WDR33: variants seen among roughly 807,000 people sequenced by gnomAD.
WDR33 encodes the protein pre-mRNA 3' end processing protein WDR33.
In WDR33, 47 loss-of-function variants were observed where a neutral mutation model predicts 164.9. The ratio of observed to expected loss-of-function variants is 0.29; its 90% CI spans 0.23 to 0.36. The LOEUF is 0.36. Ranked by LOEUF, WDR33 falls within the 10% of genes least tolerant of loss-of-function variation. The pLI is 1.00. For missense variants in WDR33, 1,137 were observed against 1,754.1 expected, an observed-to-expected ratio of 0.65 and a Z score of 6.28; for synonymous variants, 505 against 589.0, an observed-to-expected ratio of 0.86 and a Z score of 2.06.
At chr2:127,788,249 ACC>A (rs573765607) in intron 1 of WDR33, among the ~76,000 whole-genome samples, 3 of 52,480 alleles carry the variant, frequency 5.7e-5, no homozygotes, top group African/African-American at 2.6e-4. Flanking sequence ...CAGGGGGCTG[ACC>A]CCCCCCACCT....
chr2:127,744,878 C>A, intron 7 of WDR33, among the ~76,000 whole-genome samples: 1 of 152,154 alleles, frequency 6.6e-6, no homozygotes, highest in East Asian at 1.9e-4. Flanking sequence ...GTCTCCAATT[C>A]TTACTTCCAT....
rs1304597716 is a variant in WDR33, at chr2:127,709,838, C to T, written c.3327G>A (p.Pro1109=). 20 of 1,614,062 alleles carry T rather than the reference C, an allele frequency of 1.2e-5. No individual in the cohort carries two copies. The highest frequency in any genetic ancestry group is 2.2e-5 in the East Asian group (1 of 44,878). The change falls in exon 19 of 22, where the codon CCG becomes CCA. Residue 1109 remains proline (P), a synonymous_variant. Transcript: ENST00000322313. This position sits in a 1 kb window ranked among gnomAD's most constrained non-coding sequence, Gnocchi z 5.0. Reference sequence around the variant, plus strand: ...GGGGAGCACGGCCCTCATGCCTCGGCGGGGCTCCTCTTCTGAAACTGTAAA... The same window carrying T: ...GGGGAGCACGGCCCTCATGCCTCGGTGGGGCTCCTCTTCTGAAACTGTAAA... ...RREESFRRGA[P]PRHEGRAPPR... is the part of the protein sequence containing the mutation.
intron 1 of WDR33, among the ~76,000 whole-genome samples, chr2:127,780,210 T>C (rs575204699): frequency 6.6e-5 from 10 of 152,256 alleles, no homozygotes; most frequent in Non-Finnish European, 1.5e-4. Flanking sequence ...CCTGACCTCG[T>C]GATCCGCCCA....
chr2:127,799,109 A>T lies in WDR33; in HGVS notation c.-24+11903T>A, dbSNP rs1689147559. 3 of 152,314 alleles carry T rather than the reference A, an allele frequency of 2.0e-5. No individual in the cohort carries two copies. The South Asian group carries it at 6.2e-4, about 32-fold the overall frequency. 9.4% of individuals were successfully genotyped at this position (152,314 alleles called of 1,614,324 possible). ...CCAATGGAGGAGAATCTACATTCTC[A>T]AATGAGAAAAATCAGTTGCTTAACC... On this transcript the variant is annotated intron_variant, in intron 1 of 21. Transcript: ENST00000322313.
intron 1 of WDR33, among the ~76,000 whole-genome samples, chr2:127,782,546 C>T (rs1688411713): frequency 6.6e-6 from 1 of 152,154 alleles, no homozygotes; most frequent in South Asian, 2.1e-4. Flanking sequence ...CCACTCTGTA[C>T]AGTAGGCTCT....
chr2:127,792,623 A>T (rs1688879608), intron 1 of WDR33, among the ~76,000 whole-genome samples: 1 of 135,874 alleles, frequency 7.4e-6, no homozygotes, highest in South Asian at 2.2e-4. Context: ...GCAGTGAGCC[A>T]AGATTGTGCC....
chr2:127,806,204 CTTT>C (rs1370767664), intron 1 of WDR33, among the ~76,000 whole-genome samples: 1 of 144,526 alleles, frequency 6.9e-6, no homozygotes, highest in Non-Finnish European at 1.5e-5. Context: ...AGTTGTTTTT[CTTT>C]TTCTTTTTTT....
chr2:127,707,138 G>A (rs558286240), intron 21 of WDR33, among the ~76,000 whole-genome samples: 1 of 150,916 alleles, frequency 6.6e-6, no homozygotes, highest in African/African-American at 2.4e-5. Flanking sequence ...TTCTATCACC[G>A]AGGCACAGCT....
chr2:127,776,107 A>G (rs1688176145), intron 1 of WDR33, among the ~76,000 whole-genome samples: 1 of 152,168 alleles, frequency 6.6e-6, no homozygotes, highest in Admixed American at 6.5e-5. Context: ...GTACCTCACA[A>G]TGTGATTCTA....
intron 7 of WDR33, among the ~76,000 whole-genome samples, chr2:127,751,842 T>C (rs1022557623): frequency 5.3e-5 from 8 of 152,040 alleles, no homozygotes; most frequent in Admixed American, 4.6e-4. Flanking sequence ...GATCTTAGAG[T>C]CACTCAATCA....
chr2:127,703,830 T>G lies in WDR33; in HGVS notation c.*2493A>C, dbSNP rs1446772029. ...ATTTCTTAAATAAAAACTTAAAAATTCAACATTTCTCAGCTGGTGGCTCAC... is the reference window on the plus strand; with the variant it reads ...ATTTCTTAAATAAAAACTTAAAAATGCAACATTTCTCAGCTGGTGGCTCAC... On this transcript the variant is annotated 3_prime_UTR_variant, in exon 22 of 22. Coordinates refer to ENST00000322313, the MANE Select transcript of WDR33 (RefSeq NM_018383.5). 6.0e-6 allele frequency: 1 copy of G among 166,852 alleles called. No homozygotes were observed. Among genetic ancestry groups the G allele is most frequent in the East Asian group, 1.9e-4 (1 of 5,200 alleles). The allele number at this position is 166,852 out of a possible 1,614,324, so 10.3% of individuals were successfully genotyped here. A position where few individuals can be genotyped will look rare whatever the true frequency, so the allele number is the denominator to read the frequency against.
At position 127,703,482 on chromosome 2, in the gene WDR33, C is replaced by A. The variant is rs1434709080; in HGVS notation, c.*2841G>T. The A allele has an allele frequency of 6.0e-6, 1 of 167,074 alleles. No homozygotes were observed. Among genetic ancestry groups the A allele is most frequent in the South Asian group, 2.1e-4 (1 of 4,824 alleles). The allele number at this position is 167,074 out of a possible 1,614,324, so 10.3% of individuals were successfully genotyped here. ...TTCCTCCAACCCCAAAATTTATGTT[C>A]CTAAGTAAGTCAGGTCCCTAAGCCC... On this transcript the variant is annotated 3_prime_UTR_variant, in exon 22 of 22. Coordinates refer to ENST00000322313, the MANE Select transcript of WDR33 (RefSeq NM_018383.5).
intron 7 of WDR33, among the ~76,000 whole-genome samples, chr2:127,754,286 ATAT>A (rs1382548174): frequency 2.0e-5 from 3 of 152,214 alleles, no homozygotes; most frequent in South Asian, 4.1e-4. Context: ...ACTAACGTTA[ATAT>A]TATCAAATCC....
At chr2:127,742,635 C>T (rs1042474439) in intron 7 of WDR33, among the ~76,000 whole-genome samples, 1 of 149,544 alleles carries the variant, frequency 6.7e-6, no homozygotes, top group Admixed American at 6.7e-5. Context: ...TCTCCCAATA[C>T]TTAGAGAAAG....
Position 127,709,416 on chromosome 2 carries a change from C to T in WDR33, c.3565+74G>A. On this transcript the variant is annotated intron_variant, in intron 20 of 21. Coordinates refer to ENST00000322313, the MANE Select transcript of WDR33 (RefSeq NM_018383.5). This position sits in a 1 kb window ranked among gnomAD's most constrained non-coding sequence, Gnocchi z 5.0. ...GCTGGAAAGAGGAGACCCGGTGCAC[C>T]CCAGAGAGGGCCCTCAGAACTCACT... 1 of 1,470,322 alleles carries T rather than the reference C, an allele frequency of 6.8e-7. No homozygotes were observed. Among genetic ancestry groups the T allele is most frequent in the Non-Finnish European group, 9.5e-7 (1 of 1,053,252 alleles). The allele number at this position is 1,470,322 out of a possible 1,614,324, so 91.1% of individuals were successfully genotyped here. A position where few individuals can be genotyped will look rare whatever the true frequency, so the allele number is the denominator to read the frequency against.
rs1471196412 is a variant in WDR33, at chr2:127,708,583, C to A, written c.3781+94G>T. The A allele has an allele frequency of 7.3e-7, 1 of 1,375,876 alleles. No homozygotes were observed. Among genetic ancestry groups the A allele is most frequent in the Non-Finnish European group, 9.9e-7 (1 of 1,013,394 alleles). 85.2% of individuals were successfully genotyped at this position (1,375,876 alleles called of 1,614,324 possible). A position where few individuals can be genotyped will look rare whatever the true frequency, so the allele number is the denominator to read the frequency against. Reference sequence around the variant, plus strand: ...ACATTTAGGAGCATGTGCCTCTGCACAGCCCAGGCTGCAAGGGCATGTGCA... The same window carrying A: ...ACATTTAGGAGCATGTGCCTCTGCAAAGCCCAGGCTGCAAGGGCATGTGCA... On this transcript the variant is annotated intron_variant, in intron 21 of 21. Transcript: ENST00000322313. The surrounding 1 kb of genome is among the most constrained non-coding windows in gnomAD (Gnocchi z 6.7).
In WDR33 at chr2:127,701,764, C is replaced by A; in HGVS notation, c.*4559G>T. ...GTGACGCGCGGGCAGCGGCTGGCGG[C>A]GGGCGGCGGGTGCCTGCTGCTGGCT... On this transcript the variant is annotated 3_prime_UTR_variant, in exon 22 of 22. Transcript: ENST00000322313. 7.0e-7 allele frequency: 1 copy of A among 1,423,606 alleles called. No individual in the cohort carries two copies. Among genetic ancestry groups the A allele is most frequent in the East Asian group, 3.2e-5 (1 of 31,560 alleles). 88.2% of individuals were successfully genotyped at this position (1,423,606 alleles called of 1,614,324 possible).
At chr2:127,759,133 GA>G (rs2105427506) in intron 7 of WDR33, among the ~76,000 whole-genome samples, 2 of 152,152 alleles carry the variant, frequency 1.3e-5, no homozygotes, top group African/African-American at 4.8e-5. Context: ...ATTAATACTA[GA>G]AAAAAAGGAG....
At position 127,714,366 on chromosome 2, in the gene WDR33, C is replaced by T. The variant is rs150632709; in HGVS notation, c.2870-345G>A. 0.014 allele frequency among the ~76,000 whole-genome samples: 2,180 copies of T among 152,324 alleles called. 66 individuals carry two copies. The highest frequency in any genetic ancestry group is 0.051 in the African/African-American group (2,105 of 41,576). On this transcript the variant is annotated intron_variant, in intron 17 of 21. Coordinates refer to ENST00000322313, the MANE Select transcript of WDR33 (RefSeq NM_018383.5). This position sits in a 1 kb window ranked among gnomAD's most constrained non-coding sequence, Gnocchi z 4.3. Reference sequence around the variant, plus strand: ...TCTGCCCCTATTCTTTCAGGCATTTCATTAGGGCCACCTGCTCCACATCCA... The same window carrying T: ...TCTGCCCCTATTCTTTCAGGCATTTTATTAGGGCCACCTGCTCCACATCCA...
Sources: gnomAD v4.1 joint callset for allele counts (sites outside exome capture counted in the v4.1 genomes callset) on GRCh38, gnomAD v4.1.1 for gene constraint, Gnocchi (gnomAD v3.1) non-coding constraint, MANE v1.5 for transcripts, NCBI Gene and HGNC (gene_info 2026-07-23, HGNC 2026-07-21) for gene names.